The following SORCS2 variants were observed in gnomAD, a reference collection of about 807,000 sequenced individuals.
SORCS2 encodes the protein VPS10 domain-containing receptor SorCS2.
SORCS2 carries 100 observed loss-of-function variants against 141.6 expected under a neutral mutation model. That is an observed-to-expected ratio of 0.71 (90% confidence interval 0.60 to 0.83). The LOEUF (loss-of-function observed/expected upper bound fraction) is 0.83, where lower values mean the gene tolerates loss of function less well. SORCS2 is among the 40% of genes least tolerant of loss of function. SORCS2 has a pLI of 0.00. For missense variants in SORCS2, 1,646 were observed against 1,560.2 expected, an observed-to-expected ratio of 1.05 and a Z score of -0.93; for synonymous variants, 789 against 676.9, an observed-to-expected ratio of 1.17 and a Z score of -2.57.
At chr4:7,700,878 G>T (rs1248518807) in intron 12 of SORCS2, among the ~76,000 whole-genome samples, 1 of 152,230 alleles carries the variant, frequency 6.6e-6, no homozygotes, top group Non-Finnish European at 1.5e-5. Flanking sequence ...GAGTCCCCGT[G>T]GAAGGGGCAG....
At chr4:7,332,669 A>T (rs544933481) in intron 1 of SORCS2, among the ~76,000 whole-genome samples, 74 of 152,356 alleles carry the variant, frequency 4.9e-4, no homozygotes, top group African/African-American at 1.7e-3. Context: ...CTAGAGGCAG[A>T]TGGGGAAGTC....
intron 2 of SORCS2, among the ~76,000 whole-genome samples, chr4:7,399,295 T>A (rs1724419297): frequency 6.7e-6 from 1 of 149,152 alleles, no homozygotes. Flanking sequence ...AGGCTGGCGG[T>A]GCCCTCGTCT....
intron 2 of SORCS2, among the ~76,000 whole-genome samples, chr4:7,417,310 C>G (rs1317338304): frequency 6.6e-6 from 1 of 152,136 alleles, no homozygotes; most frequent in East Asian, 1.9e-4. Context: ...AAGCCCAAGT[C>G]CTGCCTTTCT....
intron 3 of SORCS2, among the ~76,000 whole-genome samples, chr4:7,564,066 T>C (rs1012259920): frequency 6.6e-6 from 1 of 152,214 alleles, no homozygotes; most frequent in African/African-American, 2.4e-5. Flanking sequence ...TGCACAGTTG[T>C]TAGCTTCAGC....
intron 1 of SORCS2, among the ~76,000 whole-genome samples, chr4:7,349,432 G>C (rs56366954): frequency 0.16 from 24,970 of 152,084 alleles, 2,255 homozygotes; most frequent in African/African-American, 0.23. Context: ...GTGGGTGTGG[G>C]CTGGGTGTCC....
chr4:7,602,653 G>C (rs954412701), intron 3 of SORCS2, among the ~76,000 whole-genome samples: 4 of 150,694 alleles, frequency 2.7e-5, no homozygotes, highest in African/African-American at 7.4e-5. Context: ...CTGCCGGGAA[G>C]AGGCACTCCT....
chr4:7,536,137 C>G (rs576807299), intron 3 of SORCS2, among the ~76,000 whole-genome samples: 57 of 152,286 alleles, frequency 3.7e-4, no homozygotes, highest in Non-Finnish European at 7.6e-4. Flanking sequence ...ACTCAGAGGC[C>G]GAGGGCATCA....
chr4:7,462,534 C>T (rs2109326724), intron 2 of SORCS2, among the ~76,000 whole-genome samples: 1 of 152,182 alleles, frequency 6.6e-6, no homozygotes, highest in Admixed American at 6.5e-5. Flanking sequence ...GGCTCTAAAG[C>T]CTGGATTCCT....
intron 3 of SORCS2, among the ~76,000 whole-genome samples, chr4:7,560,133 C>T (rs1714430682): frequency 6.6e-6 from 1 of 152,216 alleles, no homozygotes; most frequent in South Asian, 2.1e-4. Flanking sequence ...ATGCCGGCTG[C>T]CAAGCCCACG....
chr4:7,424,233 A>G lies in SORCS2; in HGVS notation c.548+27878A>G, dbSNP rs535043627. ...AGCTGTGTGACTCTGGGCAAGCTCT[A>G]AGCTCCCTCTGAGCCTCTGGCTCCT... On this transcript the variant is annotated intron_variant, in intron 2 of 26. Coordinates refer to ENST00000507866, the MANE Select transcript of SORCS2 (RefSeq NM_020777.3). Among the ~76,000 whole-genome samples the G allele has an allele frequency of 7.9e-4, 121 of 152,206 alleles. 1 individual carries two copies. Among genetic ancestry groups the G allele is most frequent in the African/African-American group, 2.9e-3 (119 of 41,536 alleles).
At chr4:7,340,868 A>G (rs1720330700) in intron 1 of SORCS2, among the ~76,000 whole-genome samples, 1 of 152,170 alleles carries the variant, frequency 6.6e-6, no homozygotes, top group Non-Finnish European at 1.5e-5. Flanking sequence ...CGGCTTTACT[A>G]TTGGCAAGGG....
At chr4:7,399,272 C>A (rs1245571957) in intron 2 of SORCS2, among the ~76,000 whole-genome samples, 1 of 151,766 alleles carries the variant, frequency 6.6e-6, no homozygotes. Context: ...CATTTGAGGC[C>A]CCTGTGGATG....
At position 7,640,467 on chromosome 4, in the gene SORCS2, T is replaced by G. The variant is rs894312652; in HGVS notation, c.813+1975T>G. 9.0e-5 allele frequency among the ~76,000 whole-genome samples: 9 copies of G among 99,680 alleles called. 1 individual carries two copies. The highest frequency in any genetic ancestry group is 3.1e-4 in the African/African-American group (9 of 28,934). The allele number at this position is 99,680 out of a possible 152,430, so 65.4% of individuals were successfully genotyped here. Reference sequence around the variant, plus strand: ...GAGTGTGTGGGTGTGTATGAGCGTGTGTGTGTGTGTGAGAGAGAGCCTATG... The same window carrying G: ...GAGTGTGTGGGTGTGTATGAGCGTGGGTGTGTGTGTGAGAGAGAGCCTATG... On this transcript the variant is annotated intron_variant, in intron 4 of 26. Coordinates refer to ENST00000507866, the MANE Select transcript of SORCS2 (RefSeq NM_020777.3).
At chr4:7,416,119 G>A (rs1000406283) in intron 2 of SORCS2, among the ~76,000 whole-genome samples, 2 of 152,198 alleles carry the variant, frequency 1.3e-5, no homozygotes. Flanking sequence ...GGATTAAGGA[G>A]GCCTCATGTG....
chr4:7,602,733 C>T (rs537064039), intron 3 of SORCS2, among the ~76,000 whole-genome samples: 6 of 151,856 alleles, frequency 4.0e-5, no homozygotes, highest in East Asian at 2.0e-4. Context: ...CAGGCAGAGA[C>T]GCTCCTCACT....
chr4:7,201,533 C>T lies in SORCS2; in HGVS notation c.480+8407C>T, dbSNP rs1191112154. Among the ~76,000 whole-genome samples the T allele has an allele frequency of 2.0e-5, 3 of 152,172 alleles. No individual in the cohort carries two copies. The highest frequency in any genetic ancestry group is 1.9e-4 in the East Asian group (1 of 5,192). Reference sequence around the variant, plus strand: ...TTATTTTATGGTGATTTTTCAGAGTCAGGCTAAGACTTGTGCAGATGATTC... The same window carrying T: ...TTATTTTATGGTGATTTTTCAGAGTTAGGCTAAGACTTGTGCAGATGATTC... On this transcript the variant is annotated intron_variant, in intron 1 of 26. Coordinates refer to ENST00000507866, the MANE Select transcript of SORCS2 (RefSeq NM_020777.3). The surrounding 1 kb of genome is among the most constrained non-coding windows in gnomAD (Gnocchi z 4.4).
At chr4:7,445,413 G>A (rs1477129757) in intron 2 of SORCS2, among the ~76,000 whole-genome samples, 1 of 152,136 alleles carries the variant, frequency 6.6e-6, no homozygotes. Context: ...AGATGTGGGA[G>A]GGCATCCTGG....
intron 23 of SORCS2, among the ~76,000 whole-genome samples, chr4:7,732,975 T>A (rs763702203): frequency 6.7e-6 from 1 of 149,042 alleles, no homozygotes; most frequent in Admixed American, 6.6e-5. Flanking sequence ...CTCTGGTGGA[T>A]CCCAGAGCCA....
chr4:7,633,655 G>A (rs567526786), intron 3 of SORCS2, among the ~76,000 whole-genome samples: 2 of 152,278 alleles, frequency 1.3e-5, no homozygotes, highest in East Asian at 3.9e-4. Flanking sequence ...TTTTCTATGC[G>A]TTTTGCTCTC....
Sources: allele counts gnomAD v4.1 joint callset (sites outside exome capture counted in the v4.1 genomes callset), GRCh38; gene constraint gnomAD v4.1.1; non-coding constraint Gnocchi (gnomAD v3.1); transcripts MANE v1.5; gene names NCBI Gene and HGNC (gene_info 2026-07-23, HGNC 2026-07-21).